The following ZNF142 variants were observed in gnomAD, a reference collection of about 807,000 sequenced individuals.
ZNF142 encodes the protein zinc finger protein 142 (clone pHZ-49).
A neutral mutation model predicts 132.1 loss-of-function variants in ZNF142; 96 were observed. That is an observed-to-expected ratio of 0.73 (90% confidence interval 0.62 to 0.86). ZNF142 has a LOEUF of 0.86. ZNF142 is among the 40% of genes least tolerant of loss of function. The probability of loss-of-function intolerance (pLI) is 0.00; values close to 1 mark genes in which losing one functional copy is unlikely to be tolerated. For synonymous variants in ZNF142, 842 were observed against 890.1 expected, an observed-to-expected ratio of 0.95 and a Z score of 0.96; for missense variants, 2,163 against 2,336.2, an observed-to-expected ratio of 0.93 and a Z score of 1.53.
intron 5 of ZNF142, among the ~76,000 whole-genome samples, chr2:218,651,073 A>G (rs1364188354): frequency 6.8e-6 from 1 of 146,792 alleles, no homozygotes; most frequent in Non-Finnish European, 1.5e-5. Flanking sequence ...TGCAACCTCC[A>G]CCTCCTGAGC....
At position 218,644,886 on chromosome 2, in the gene ZNF142, A is replaced by G; in HGVS notation, c.2230T>C (p.Tyr744His). Residue 744 changes from tyrosine (Y) to histidine (H), a missense_variant, in exon 9 of 11, where the codon TAC becomes CAC. Tyr to His is a moderately conservative substitution (Grantham distance 83). Transcript: ENST00000411696. The surrounding 1 kb of genome is among the most constrained non-coding windows in gnomAD (Gnocchi z 4.6). ...QHHPGTPAPLYPCHYCSYQSR... is the reference protein window; with the variant it reads ...QHHPGTPAPLHPCHYCSYQSR... ...TGGTAACTGCAGTAGTGGCAAGGGTAGAGTGGGGCCGGTGTGCCAGGGTGG... is the reference window on the plus strand; with the variant it reads ...TGGTAACTGCAGTAGTGGCAAGGGTGGAGTGGGGCCGGTGTGCCAGGGTGG... The G allele has an allele frequency of 6.2e-7, 1 of 1,614,084 alleles. No homozygotes were observed. Among genetic ancestry groups the G allele is most frequent in the African/African-American group, 1.3e-5 (1 of 75,042 alleles).
At chr2:218,648,513 G>T in intron 7 of ZNF142, 122 bp downstream of exon 7, 2 of 919,936 alleles carry the variant, frequency 2.2e-6, no homozygotes, top group Non-Finnish European at 3.2e-6. Flanking sequence ...TTGTAAACTT[G>T]GAATGCTAGA....
rs1455549502 is a variant in ZNF142, at chr2:218,634,641, A to G, written c.*3698T>C. 1.2e-6 allele frequency: 2 copies of G among 1,611,846 alleles called. No individual in the cohort carries two copies. Among genetic ancestry groups the G allele is most frequent in the Admixed American group, 3.4e-5 (2 of 59,554 alleles). ...ACTCTCTTAATCCAGGTACAGTGGA[A>G]ATAAACTGTTGGGAAGAAACTGAGA... On this transcript the variant is annotated 3_prime_UTR_variant, in exon 11 of 11. Transcript: ENST00000411696. This position sits in a 1 kb window ranked among gnomAD's most constrained non-coding sequence, Gnocchi z 4.0.
At position 218,634,649 on chromosome 2, in the gene ZNF142, G is replaced by C; in HGVS notation, c.*3690C>G. On this transcript the variant is annotated 3_prime_UTR_variant, in exon 11 of 11. Transcript: ENST00000411696. This position sits in a 1 kb window ranked among gnomAD's most constrained non-coding sequence, Gnocchi z 4.0. ...AATCCAGGTACAGTGGAAATAAACT[G>C]TTGGGAAGAAACTGAGATAACTGGG... The C allele has an allele frequency of 6.2e-7, 1 of 1,610,266 alleles. No individual in the cohort carries two copies.
In ZNF142 at chr2:218,642,300, T is replaced by C. The variant is rs749662347; in HGVS notation, c.4816A>G (p.Thr1606Ala). The C allele has an allele frequency of 6.2e-7, 1 of 1,613,872 alleles. No homozygotes were observed. The highest frequency in any genetic ancestry group is 1.7e-5 in the Admixed American group (1 of 60,004). ...TCTGAGGCTGCCACGGCTGCTGAAG[T>C]CTCCTCATGCTGTTCCAGGTAGTGC... ...VKHYLEQHEETSAAVAASDGD... is the reference protein window; with the variant it reads ...VKHYLEQHEEASAAVAASDGD... Residue 1606 changes from threonine to alanine, a missense_variant, in exon 9 of 11, where the codon ACT becomes GCT. Thr to Ala is a moderately conservative substitution (Grantham distance 58). Transcript: ENST00000411696. The surrounding 1 kb of genome is among the most constrained non-coding windows in gnomAD (Gnocchi z 4.6).
rs180956508 is a variant in ZNF142, at chr2:218,643,468, C to T, written c.3648G>A (p.Leu1216=). Residue 1216 remains leucine, a synonymous_variant, in exon 9 of 11, where the codon CTG becomes CTA. Coordinates refer to ENST00000411696, the MANE Select transcript of ZNF142 (RefSeq NM_001379659.1). ...TGCCCTGCTCAAAGCGGTGCTTCTT[C>T]AGGGCCTCTGTGGGTGAGGAGTTTC... ...PAGNSSPTEA[L]KKHRFEQGKF... 2.5e-6 allele frequency: 4 copies of T among 1,614,154 alleles called. No homozygotes were observed. The African/African-American group carries it at 5.3e-5, about 22-fold the overall frequency.
In ZNF142 at chr2:218,633,969, T is replaced by A; in HGVS notation, c.*4370A>T. The A allele has an allele frequency of 7.7e-7, 1 of 1,291,632 alleles. No individual in the cohort carries two copies. The highest frequency in any genetic ancestry group is 1.1e-6 in the Non-Finnish European group (1 of 934,750). The allele number at this position is 1,291,632 out of a possible 1,614,324, so 80.0% of individuals were successfully genotyped here. A position where few individuals can be genotyped will look rare whatever the true frequency, so the allele number is the denominator to read the frequency against. On this transcript the variant is annotated 3_prime_UTR_variant, in exon 11 of 11. Coordinates refer to ENST00000411696, the MANE Select transcript of ZNF142 (RefSeq NM_001379659.1). ...GGAAAGCTGGTCTGGATGGACAGAG[T>A]AGAGAGGCACAGTGAAACTTTCTGG...
intron 3 of ZNF142, among the ~76,000 whole-genome samples, chr2:218,657,881 C>T (rs1938692437): frequency 6.6e-6 from 1 of 152,190 alleles, no homozygotes; most frequent in Non-Finnish European, 1.5e-5. Context: ...TTGACATTAT[C>T]ACTTCAATGA....
In ZNF142 at chr2:218,636,093, G is replaced by A. The variant is rs1575046948; in HGVS notation, c.*2246C>T. 3 of 1,370,894 alleles carry A rather than the reference G, an allele frequency of 2.2e-6. No homozygotes were observed. The highest frequency in any genetic ancestry group is 2.0e-5 in the Admixed American group (1 of 49,832). 84.9% of individuals were successfully genotyped at this position (1,370,894 alleles called of 1,614,324 possible). A position where few individuals can be genotyped will look rare whatever the true frequency, so the allele number is the denominator to read the frequency against. On this transcript the variant is annotated 3_prime_UTR_variant, in exon 11 of 11. Transcript: ENST00000411696. ...TGGCTCTTCACTTAAAAGCTCCAGT[G>A]ACCTGGGCAAATTACTTGCTTACTC...
intron 7 of ZNF142, among the ~76,000 whole-genome samples, chr2:218,647,422 CA>C (rs35920609): frequency 5.2e-5 from 2 of 38,648 alleles, no homozygotes; most frequent in Admixed American, 5.4e-4. Context: ...GACTCCATCT[CA>C]AAAAAAAAAA....
Position 218,634,369 on chromosome 2 carries a change from A to T in ZNF142, c.*3970T>A. On this transcript the variant is annotated 3_prime_UTR_variant, in exon 11 of 11. Transcript: ENST00000411696. This position sits in a 1 kb window ranked among gnomAD's most constrained non-coding sequence, Gnocchi z 4.0. ...TGGATATTACCAGCAGGTACCGTGC[A>T]CCCAGTACCTATCTTCTTAACTCCC... 6.4e-7 allele frequency: 1 copy of T among 1,558,010 alleles called. No individual in the cohort carries two copies. The highest frequency in any genetic ancestry group is 2.2e-5 in the East Asian group (1 of 44,558).
In ZNF142 at chr2:218,646,186, T is replaced by C; in HGVS notation, c.2036A>G (p.His679Arg). Residue 679 changes from histidine (H) to arginine (R), a missense_variant, in exon 8 of 11, where the codon CAT becomes CGT. His to Arg is a conservative substitution (Grantham distance 29). Transcript: ENST00000411696. The stretch of plus-strand genomic sequence containing the variant: ...TGTGTTGTACCTGAGGTCCCCTGCA[T>C]GTTTTCGCATGTGCACACGGAGGTA... ...KHYLRVHMRK[H>R]AGDLRYQCNQ... is the part of the protein sequence containing the mutation. 1.9e-6 allele frequency: 3 copies of C among 1,613,746 alleles called. No individual in the cohort carries two copies. Among genetic ancestry groups the C allele is most frequent in the Non-Finnish European group, 2.5e-6 (3 of 1,179,976 alleles).
chr2:218,648,734 C>A lies in ZNF142; in HGVS notation c.1774G>T (p.Gly592Cys). 1.2e-6 allele frequency: 2 copies of A among 1,614,230 alleles called. No individual in the cohort carries two copies. Among genetic ancestry groups the A allele is most frequent in the Non-Finnish European group, 1.7e-6 (2 of 1,180,050 alleles). Residue 592 changes from glycine to cysteine, a missense_variant, in exon 7 of 11, where the codon GGC (glycine) becomes TGC (cysteine). Physicochemically the swap from Gly to Cys is radical, Grantham distance 159 (BLOSUM62 -3). This residue lies in a region of ZNF142 where 749 missense variants were observed against 830.3 expected (regional missense o/e 0.90). Transcript: ENST00000411696. ...FNPVAYQDHV[G>C]KMHAHEKIHQ... ...ATCTTTTCATGAGCATGCATCTTGC[C>A]TACATGATCCTGGTAAGCCACTGGG...
chr2:218,640,318 T>C (rs891710987), intron 10 of ZNF142, among the ~76,000 whole-genome samples: 2 of 152,194 alleles, frequency 1.3e-5, no homozygotes. Context: ...TTTTAACTCA[T>C]GATAGTTCCA....
At position 218,659,082 on chromosome 2, in the gene ZNF142, T is replaced by C. The variant is rs529342300; in HGVS notation, c.-313A>G. 3.3e-5 allele frequency: 5 copies of C among 152,334 alleles called. No homozygotes were observed. The South Asian group carries it at 1.0e-3, about 32-fold the overall frequency. The allele number at this position is 152,334 out of a possible 1,614,324, so 9.4% of individuals were successfully genotyped here. ...AGTGTCCACATCGTCGGGCAGGAGC[T>C]GGATCATAAGAGCCAGCGAACTGGA... On this transcript the variant is annotated 5_prime_UTR_variant, in exon 2 of 11. Coordinates refer to ENST00000411696, the MANE Select transcript of ZNF142 (RefSeq NM_001379659.1). This position sits in a 1 kb window ranked among gnomAD's most constrained non-coding sequence, Gnocchi z 4.4.
intron 9 of ZNF142, 90 bp downstream of exon 9, chr2:218,641,937 TA>T: frequency 6.8e-7 from 1 of 1,465,866 alleles, no homozygotes; most frequent in Non-Finnish European, 9.1e-7. Context: ...ACAGAGCTAA[TA>T]TCTGGAGGAG....
chr2:218,638,154 A>G lies in ZNF142; in HGVS notation c.*185T>C, dbSNP rs1201781157. ...CAATAAGAAATCAACGTTATAGTCCATGTCCCTCTTTTATATGGGTGATAA... is the reference window on the plus strand; with the variant it reads ...CAATAAGAAATCAACGTTATAGTCCGTGTCCCTCTTTTATATGGGTGATAA... On this transcript the variant is annotated 3_prime_UTR_variant, in exon 11 of 11. Transcript: ENST00000411696. 4 of 480,874 alleles carry G rather than the reference A, an allele frequency of 8.3e-6. No individual in the cohort carries two copies. The highest frequency in any genetic ancestry group is 2.0e-5 in the African/African-American group (1 of 50,238). The allele number at this position is 480,874 out of a possible 1,614,324, so 29.8% of individuals were successfully genotyped here.
rs1410299751 is a variant in ZNF142 at position 218,635,225 on chromosome 2, C to T, written c.*3114G>A. ...GGAGGTTGCAGTGAGCTATGACTGC[C>T]CCACTGCATTCCAGCTTGGTCAAGA... On this transcript the variant is annotated 3_prime_UTR_variant, in exon 11 of 11. Transcript: ENST00000411696. Among the ~76,000 whole-genome samples, 1 of 152,106 alleles carries T rather than the reference C, an allele frequency of 6.6e-6. No individual in the cohort carries two copies. The highest frequency in any genetic ancestry group is 1.9e-4 in the East Asian group (1 of 5,178).
At chr2:218,640,825 G>A in intron 9 of ZNF142, 56 bp from the exon 10 acceptor site, 1 of 1,389,114 alleles carries the variant, frequency 7.2e-7, no homozygotes, top group Non-Finnish European at 1.0e-6. Flanking sequence ...ATAAATGTTA[G>A]CTGTTATTAT....
Sources: gnomAD v4.1 joint callset for allele counts (sites outside exome capture counted in the v4.1 genomes callset) on GRCh38, gnomAD v4.1.1 for gene constraint, gnomAD v4.1.1 regional missense constraint, Gnocchi (gnomAD v3.1) non-coding constraint, MANE v1.5 for transcripts, NCBI Gene and HGNC (gene_info 2026-07-23, HGNC 2026-07-21) for gene names.